Variants in SUFU observed in about 807,000 individuals in gnomAD.
The protein encoded by SUFU is SUFU negative regulator of hedgehog signaling.
A neutral mutation model predicts 58.9 loss-of-function variants in SUFU; 7 were observed. The ratio of observed to expected loss-of-function variants is 0.12; its 90% CI spans 0.07 to 0.22. SUFU has a LOEUF of 0.22. Ranked by LOEUF, SUFU falls within the 10% of genes least tolerant of loss-of-function variation. The pLI is 1.00. For synonymous variants in SUFU, 232 were observed against 254.8 expected (o/e 0.91, Z 0.85); for missense variants, 451 against 641.3 (o/e 0.70, Z 3.20).
At chr10:102,508,338 G>C (rs1167086724) in intron 1 of SUFU, among the ~76,000 whole-genome samples, 1 of 152,122 alleles carries the variant, frequency 6.6e-6, no homozygotes, top group East Asian at 1.9e-4. Flanking sequence ...TAAATCCTCA[G>C]AGTGAGATAA....
At chr10:102,516,007 C>A (rs2062464185) in intron 2 of SUFU, among the ~76,000 whole-genome samples, 1 of 152,186 alleles carries the variant, frequency 6.6e-6, no homozygotes, top group Non-Finnish European at 1.5e-5. Flanking sequence ...AGGGACTCTC[C>A]AGAGCCCTTC....
At chr10:102,552,991 G>C (rs1438278161) in intron 3 of SUFU, among the ~76,000 whole-genome samples, 1 of 152,156 alleles carries the variant, frequency 6.6e-6, no homozygotes, top group Non-Finnish European at 1.5e-5. Flanking sequence ...GTGCTCTGAG[G>C]CCCTTTCTGT....
At chr10:102,613,396 G>A (rs1243178331) in intron 8 of SUFU, among the ~76,000 whole-genome samples, 1 of 152,218 alleles carries the variant, frequency 6.6e-6, no homozygotes, top group African/African-American at 2.4e-5. Flanking sequence ...AGGCAGGCAC[G>A]GCCCATGACC....
At position 102,629,357 on chromosome 10, in the gene SUFU, G is replaced by C. The variant is rs2063817064; in HGVS notation, c.1366-709G>C. Reference sequence around the variant, plus strand: ...GAAACAGAACTGTAGGCAAATCAGTGTATCCTGGGATGGGGTGGGAGACAT... The same window carrying C: ...GAAACAGAACTGTAGGCAAATCAGTCTATCCTGGGATGGGGTGGGAGACAT... On this transcript the variant is annotated intron_variant, in intron 11 of 11. Coordinates refer to ENST00000369902, the MANE Select transcript of SUFU (RefSeq NM_016169.4). The surrounding 1 kb of genome is among the most constrained non-coding windows in gnomAD (Gnocchi z 4.7). Among the ~76,000 whole-genome samples the C allele has an allele frequency of 6.6e-6, 1 of 152,210 alleles. No individual in the cohort carries two copies. The highest frequency in any genetic ancestry group is 1.5e-5 in the Non-Finnish European group (1 of 68,030).
chr10:102,522,622 G>T (rs2062563558), intron 2 of SUFU, among the ~76,000 whole-genome samples: 1 of 152,190 alleles, frequency 6.6e-6, no homozygotes, highest in African/African-American at 2.4e-5. Context: ...CACACAGGAA[G>T]TCAGATAACT....
In SUFU at chr10:102,626,257, A is replaced by G. The variant is rs572317098; in HGVS notation, c.1297-918A>G. ...GGATCAGCTTGGCCTGGCTCTGCCT[A>G]GCAGCCTGACGAGAGGGGTGGGTGG... On this transcript the variant is annotated intron_variant, in intron 10 of 11. Coordinates refer to ENST00000369902, the MANE Select transcript of SUFU (RefSeq NM_016169.4). 5.3e-5 allele frequency among the ~76,000 whole-genome samples: 8 copies of G among 152,262 alleles called. No individual in the cohort carries two copies. In the South Asian group the frequency reaches 1.4e-3, roughly 28 times the overall value.
In SUFU at chr10:102,503,984, G is replaced by T. The variant is rs1312733167; in HGVS notation, c.-169G>T. The T allele has an allele frequency of 4.0e-6, 4 of 993,186 alleles. No homozygotes were observed. The highest frequency in any genetic ancestry group is 4.1e-5 in the Admixed American group (1 of 24,470). 61.5% of individuals were successfully genotyped at this position (993,186 alleles called of 1,614,324 possible). A position where few individuals can be genotyped will look rare whatever the true frequency, so the allele number is the denominator to read the frequency against. On this transcript the variant is annotated 5_prime_UTR_variant, in exon 1 of 12. Coordinates refer to ENST00000369902, the MANE Select transcript of SUFU (RefSeq NM_016169.4). The stretch of plus-strand genomic sequence containing the variant: ...GGCACCCTCTGGCAGACTCGGCGGC[G>T]GCGACAGCCTGGGCGGACAGTGCGC...
At chr10:102,593,750 G>A (rs1395986551) in intron 5 of SUFU, 29 bp downstream of exon 5, 1 of 1,609,022 alleles carries the variant, frequency 6.2e-7, no homozygotes. Context: ...TGGGAGCGCG[G>A]CTCCCTGGGC....
chr10:102,544,989 T>C (rs2062838900), intron 2 of SUFU, among the ~76,000 whole-genome samples: 2 of 152,246 alleles, frequency 1.3e-5, no homozygotes, highest in Non-Finnish European at 2.9e-5. Flanking sequence ...TGTACAGGTA[T>C]ACCATATTTT....
chr10:102,582,480 G>T (rs1028542712), intron 3 of SUFU, among the ~76,000 whole-genome samples: 10 of 152,054 alleles, frequency 6.6e-5, no homozygotes, highest in South Asian at 2.1e-4. Flanking sequence ...CACCATAACT[G>T]AAGCTGGATG....
intron 3 of SUFU, among the ~76,000 whole-genome samples, chr10:102,572,217 C>T (rs1249819416): frequency 2.7e-5 from 4 of 148,808 alleles, no homozygotes; most frequent in African/African-American, 9.9e-5. Context: ...AGGCACCGGC[C>T]ACCACGCCTG....
chr10:102,513,708 C>T (rs2062429156), intron 2 of SUFU, among the ~76,000 whole-genome samples: 1 of 152,162 alleles, frequency 6.6e-6, no homozygotes, highest in South Asian at 2.1e-4. Flanking sequence ...CCTGGGATGC[C>T]ATCTGCAGCC....
chr10:102,598,935 A>G (rs2063490029), intron 7 of SUFU, among the ~76,000 whole-genome samples: 1 of 152,046 alleles, frequency 6.6e-6, no homozygotes, highest in Non-Finnish European at 1.5e-5. Flanking sequence ...AGGTGGAGAG[A>G]TGATCTTAGC....
At chr10:102,555,246 C>T (rs1022327022) in intron 3 of SUFU, among the ~76,000 whole-genome samples, 24 of 113,250 alleles carry the variant, frequency 2.1e-4, no homozygotes, top group African/African-American at 6.5e-4. Flanking sequence ...CCAGCCTGGG[C>T]GTCAGAGTGA....
At chr10:102,618,534 A>T (rs1458566402) in intron 10 of SUFU, 1 of 153,214 alleles carries the variant, frequency 6.5e-6, no homozygotes, top group Non-Finnish European at 1.5e-5. Flanking sequence ...CGAGATAGAA[A>T]TGGAAGCTAG....
At chr10:102,612,122 T>G (rs1184594558) in intron 8 of SUFU, among the ~76,000 whole-genome samples, 6 of 152,074 alleles carry the variant, frequency 3.9e-5, no homozygotes, top group Non-Finnish European at 8.8e-5. Flanking sequence ...TAATTCATGC[T>G]TCTGCATCGA....
At chr10:102,614,071 C>T (rs1202860136) in intron 8 of SUFU, among the ~76,000 whole-genome samples, 5 of 152,202 alleles carry the variant, frequency 3.3e-5, no homozygotes, top group African/African-American at 1.2e-4. Flanking sequence ...TGTGAATGTC[C>T]CTGCAGCTCC....
At chr10:102,626,223 G>A (rs2135952390) in intron 10 of SUFU, among the ~76,000 whole-genome samples, 1 of 152,290 alleles carries the variant, frequency 6.6e-6, no homozygotes, top group Middle Eastern at 3.4e-3. Flanking sequence ...GTGGTGGGGT[G>A]CAGACCTGGG....
intron 3 of SUFU, among the ~76,000 whole-genome samples, chr10:102,551,425 G>A (rs930058142): frequency 3.9e-5 from 6 of 152,050 alleles, no homozygotes; most frequent in African/African-American, 1.4e-4. Context: ...ATCACCTGAG[G>A]TCAGGAGTTC....
Sources: allele counts gnomAD v4.1 joint callset (sites outside exome capture counted in the v4.1 genomes callset), GRCh38; gene constraint gnomAD v4.1.1; non-coding constraint Gnocchi (gnomAD v3.1); transcripts MANE v1.5; gene names NCBI Gene and HGNC (gene_info 2026-07-23, HGNC 2026-07-21).